Variants in MINAR1 observed in about 807,000 individuals in gnomAD.
The protein encoded by MINAR1 is membrane integral NOTCH2 associated receptor 1.
MINAR1 carries 40 observed loss-of-function variants against 65.1 expected under a neutral mutation model. The ratio of observed to expected loss-of-function variants is 0.61; its 90% CI spans 0.48 to 0.80. MINAR1 has a LOEUF of 0.80. MINAR1 is among the 30% of genes least tolerant of loss of function. The pLI, the probability that MINAR1 is intolerant of heterozygous loss-of-function variation, is 0.00. For missense variants in MINAR1, 1,128 were observed against 1,148.0 expected (o/e 0.98, Z 0.25); for synonymous variants, 482 against 449.1 (o/e 1.07, Z -0.93).
the MINAR1 span, chr15:79,417,927 G>C: frequency 1.3e-5 from 2 of 152,240 alleles, no homozygotes; most frequent in Non-Finnish European, 2.9e-5. Context: ...CCGTGCTGTT[G>C]ACACTGTTTA....
At chr15:79,437,274 G>A (rs757982352) in intron 1 of MINAR1, among the ~76,000 whole-genome samples, 2 of 152,220 alleles carry the variant, frequency 1.3e-5, no homozygotes, top group Admixed American at 6.5e-5. Flanking sequence ...TTTTGGCTAC[G>A]TGAGTGCAGA....
At chr15:79,462,920 G>A in intron 2 of MINAR1, 147 bp from the exon 3 acceptor site, 1 of 774,678 alleles carries the variant, frequency 1.3e-6, no homozygotes, top group Non-Finnish European at 2.1e-6. Flanking sequence ...CCTCAATATG[G>A]TTATGCTTTC....
At position 79,457,079 on chromosome 15, in the gene MINAR1, A is replaced by G. The variant is rs1895452612; in HGVS notation, c.932A>G (p.Gln311Arg). ...AGCTTTGAAATGCCCTATAACAGCC[A>G]GTACCTGAATCCAGTGTATTCCCCG... ...NHSFEMPYNS[Q>R]YLNPVYSPVP... The change falls in exon 2 of 4, where the codon CAG becomes CGG. Residue 311 changes from glutamine to arginine, a missense_variant. Transcript: ENST00000305428. 6.2e-7 allele frequency: 1 copy of G among 1,614,200 alleles called. No homozygotes were observed. Among genetic ancestry groups the G allele is most frequent in the South Asian group, 1.1e-5 (1 of 91,080 alleles).
Position 79,469,851 on chromosome 15 carries a change from A to C in MINAR1, c.*1467A>C, listed in dbSNP as rs1449791829. 1 of 152,654 alleles carries C rather than the reference A, an allele frequency of 6.6e-6. No homozygotes were observed. The highest frequency in any genetic ancestry group is 1.5e-5 in the Non-Finnish European group (1 of 68,040). 9.5% of individuals were successfully genotyped at this position (152,654 alleles called of 1,614,324 possible). A position where few individuals can be genotyped will look rare whatever the true frequency, so the allele number is the denominator to read the frequency against. On this transcript the variant is annotated 3_prime_UTR_variant, in exon 4 of 4. Transcript: ENST00000305428. ...TAAATAGATTTTGGTAGCAAGTGTA[A>C]TCACTCCGTATGATATAATAAATTT...
the MINAR1 span, chr15:79,417,890 T>G: frequency 1.1e-4 from 16 of 152,328 alleles, no homozygotes; most frequent in African/African-American, 3.4e-4. Flanking sequence ...AATAGCTGCT[T>G]CTTAAGGATT....
intron 1 of MINAR1, among the ~76,000 whole-genome samples, chr15:79,433,475 G>A (rs4255747): frequency 0.39 from 59,369 of 152,026 alleles, 12,581 homozygotes; most frequent in African/African-American, 0.57. Flanking sequence ...TATAAACAAT[G>A]TACATCTATC....
rs1362664877 is a variant in MINAR1 at position 79,470,224 on chromosome 15, CT to C, written c.*1841del. 5.2e-5 allele frequency: 8 copies of C among 152,564 alleles called. No homozygotes were observed. The highest frequency in any genetic ancestry group is 1.2e-4 in the Non-Finnish European group (8 of 68,038). The allele number at this position is 152,564 out of a possible 1,614,324, so 9.5% of individuals were successfully genotyped here. The stretch of plus-strand genomic sequence containing the variant: ...CATCAGAATTATAGTCTTTGGTGCT[CT>C]GTTTTCAATGGGGCATATTACATAA... On this transcript the variant is annotated 3_prime_UTR_variant, in exon 4 of 4. Transcript: ENST00000305428.
upstream of MINAR1, among the ~76,000 whole-genome samples, chr15:79,430,633 A>T (rs2141270992): frequency 6.6e-6 from 1 of 152,306 alleles, no homozygotes; most frequent in East Asian, 1.9e-4. Context: ...ACTACTTACA[A>T]ATTTAAAATC....
chr15:79,456,258 G>T lies in MINAR1; in HGVS notation c.111G>T (p.Arg37=). 1 of 1,614,100 alleles carries T rather than the reference G, an allele frequency of 6.2e-7. No homozygotes were observed. The highest frequency in any genetic ancestry group is 8.5e-7 in the Non-Finnish European group (1 of 1,180,024). The change falls in exon 2 of 4, where the codon CGG becomes CGT. Residue 37 remains arginine (R), a synonymous_variant. Transcript: ENST00000305428. The part of the protein sequence containing the change: ...YQDLCKSLCA[R]FDLSQLAKLR... ...ACCTGTGCAAATCTCTCTGTGCCCG[G>T]TTCGACCTGTCGCAGCTTGCCAAAC...
intron 1 of MINAR1, among the ~76,000 whole-genome samples, chr15:79,450,292 C>T (rs1207541584): frequency 1.3e-5 from 2 of 152,150 alleles, no homozygotes; most frequent in Admixed American, 1.3e-4. Context: ...CTCAGCTGTG[C>T]CTAGCCCAGT....
At position 79,452,715 on chromosome 15, in the gene MINAR1, G is replaced by GGGT. The variant is rs1567055469; in HGVS notation, c.-50-3382_-50-3381insGTG. ...GTGTGGGTGTCTGGATGAGTGTGTG[G>GGGT]GTGTGGGTGAGTCTGTGTGGGTGTG... On this transcript the variant is annotated intron_variant, in intron 1 of 3. Transcript: ENST00000305428. 9.4e-5 allele frequency among the ~76,000 whole-genome samples: 11 copies of GGGT among 117,172 alleles called. No individual in the cohort carries two copies. In the South Asian group the frequency reaches 2.1e-3, roughly 22 times the overall value. 76.9% of individuals were successfully genotyped at this position (117,172 alleles called of 152,430 possible).
chr15:79,462,492 C>T (rs896154948), intron 2 of MINAR1, among the ~76,000 whole-genome samples: 1 of 152,182 alleles, frequency 6.6e-6, no homozygotes, highest in African/African-American at 2.4e-5. Flanking sequence ...ACCAGGGGCC[C>T]ATCTGCTGCC....
chr15:79,459,441 C>T (rs1470193681), intron 2 of MINAR1, among the ~76,000 whole-genome samples: 1 of 152,136 alleles, frequency 6.6e-6, no homozygotes, highest in Non-Finnish European at 1.5e-5. Flanking sequence ...GACCTGTGGC[C>T]CATCCTGTTC....
chr15:79,433,015 C>T (rs1034377923), intron 1 of MINAR1, among the ~76,000 whole-genome samples: 9 of 152,228 alleles, frequency 5.9e-5, no homozygotes, highest in Admixed American at 2.6e-4. Context: ...ATTGAGATTT[C>T]CAGTCACGTT....
chr15:79,413,465 G>A, the MINAR1 span: 4 of 152,230 alleles, frequency 2.6e-5, no homozygotes, highest in African/African-American at 9.6e-5. Flanking sequence ...CAAAGAGCCT[G>A]TATTGACTCC....
chr15:79,427,231 A>T, the MINAR1 span: 1 of 152,206 alleles, frequency 6.6e-6, no homozygotes, highest in South Asian at 2.1e-4. Context: ...ACTCATGGAC[A>T]CGAAGAAGGG....
intron 1 of MINAR1, among the ~76,000 whole-genome samples, chr15:79,435,350 G>C (rs1370027413): frequency 6.6e-6 from 1 of 152,052 alleles, no homozygotes; most frequent in Admixed American, 6.6e-5. Context: ...CTCTCAGTGT[G>C]GTGTCTGAAG....
chr15:79,451,491 C>A (rs969265514), intron 1 of MINAR1, among the ~76,000 whole-genome samples: 2 of 152,022 alleles, frequency 1.3e-5, no homozygotes, highest in Non-Finnish European at 2.9e-5. Context: ...GGCCTCCAAG[C>A]AGACGGGTCT....
Position 79,457,943 on chromosome 15 carries a change from T to G in MINAR1, c.1796T>G (p.Leu599Arg). ...EEELKTSVCK[L>R]VLRIGEIERK... ...GAGCTGAAGACCAGTGTGTGCAAAC[T>G]GGTGCTCAGGATTGGCGAAATTGAA... is the stretch of plus-strand genomic sequence containing the variant. Residue 599 changes from leucine (L) to arginine (R), a missense_variant, in exon 2 of 4, where the codon CTG becomes CGG. Physicochemically the swap from Leu to Arg is moderately radical, Grantham distance 102. Transcript: ENST00000305428. The G allele has an allele frequency of 6.2e-7, 1 of 1,614,066 alleles. No homozygotes were observed.
Sources: gnomAD v4.1 joint callset for allele counts (sites outside exome capture counted in the v4.1 genomes callset) on GRCh38, gnomAD v4.1.1 for gene constraint, MANE v1.5 for transcripts, NCBI Gene and HGNC (gene_info 2026-07-23, HGNC 2026-07-21) for gene names.